The following AGTPBP1 variants were observed in gnomAD, a reference collection of about 807,000 sequenced individuals.
AGTPBP1 encodes the protein ATP/GTP binding carboxypeptidase 1.
In AGTPBP1, 70 loss-of-function variants were observed where a neutral mutation model predicts 143.9. The observed-to-expected ratio is 0.49, with a 90% CI of 0.40 to 0.59. AGTPBP1 has a LOEUF of 0.59. AGTPBP1 is among the 20% of genes least tolerant of loss of function. The pLI is 0.00. For missense variants in AGTPBP1, 1,229 were observed against 1,464.5 expected (o/e 0.84, Z 2.62); for synonymous variants, 463 against 500.2 (o/e 0.93, Z 0.99).
the AGTPBP1 span, among the ~76,000 whole-genome samples, chr9:85,798,376 T>TC: frequency 6.6e-6 from 1 of 150,784 alleles, no homozygotes. Context: ...TTTTTTTTTT[T>TC]TCTTTTTTGA....
At chr9:85,759,881 TAAA>T in the AGTPBP1 span, among the ~76,000 whole-genome samples, 2 of 151,402 alleles carry the variant, frequency 1.3e-5, no homozygotes, top group African/African-American at 2.4e-5. Context: ...GCAAGACTAA[TAAA>T]GAAGAAAAGA....
At chr9:85,598,639 G>C (rs1248517024) in intron 17 of AGTPBP1, among the ~76,000 whole-genome samples, 1 of 152,194 alleles carries the variant, frequency 6.6e-6, no homozygotes, top group South Asian at 2.1e-4. Flanking sequence ...TTCAAGGATT[G>C]CAACTTGTAA....
intron 25 of AGTPBP1, among the ~76,000 whole-genome samples, chr9:85,567,111 C>T (rs998665045): frequency 7.9e-5 from 12 of 152,094 alleles, no homozygotes; most frequent in African/African-American, 2.7e-4. Context: ...TAAGAGGTTA[C>T]GGGGAGAGGC....
intron 25 of AGTPBP1, among the ~76,000 whole-genome samples, chr9:85,558,733 C>T (rs751414397): frequency 4.6e-5 from 7 of 152,148 alleles, no homozygotes; most frequent in Non-Finnish European, 8.8e-5. Flanking sequence ...ATCCTCTCAC[C>T]TCAGCCTCCC....
intron 17 of AGTPBP1, among the ~76,000 whole-genome samples, chr9:85,612,007 C>T (rs191456580): frequency 6.6e-6 from 1 of 152,100 alleles, no homozygotes; most frequent in East Asian, 1.9e-4. Flanking sequence ...AAATCTCTCT[C>T]TATATATATT....
chr9:85,762,929 CTG>C, the AGTPBP1 span, among the ~76,000 whole-genome samples: 2 of 150,740 alleles, frequency 1.3e-5, no homozygotes, highest in Non-Finnish European at 3.0e-5. Flanking sequence ...AAACATATCA[CTG>C]TGAAGGTTTG....
At chr9:85,626,152 T>TGCACTGA (rs1204026540) in intron 14 of AGTPBP1, among the ~76,000 whole-genome samples, 1 of 152,148 alleles carries the variant, frequency 6.6e-6, no homozygotes, top group Non-Finnish European at 1.5e-5. Flanking sequence ...ATCAGTGTGT[T>TGCACTGA]TGCAATACAA....
chr9:85,782,540 T>A, the AGTPBP1 span, among the ~76,000 whole-genome samples: 1 of 152,114 alleles, frequency 6.6e-6, no homozygotes, highest in Non-Finnish European at 1.5e-5. Flanking sequence ...AAGTTATATT[T>A]GTGACATTTA....
At chr9:85,694,138 T>C (rs1422050291) in intron 2 of AGTPBP1, among the ~76,000 whole-genome samples, 1 of 152,146 alleles carries the variant, frequency 6.6e-6, no homozygotes, top group Non-Finnish European at 1.5e-5. Flanking sequence ...ATGAGTGAGA[T>C]GGGAAATTTT....
chr9:85,639,349 ACC>A (rs1254497545), intron 13 of AGTPBP1, among the ~76,000 whole-genome samples: 19 of 142,308 alleles, frequency 1.3e-4, no homozygotes, highest in East Asian at 4.4e-4. Flanking sequence ...ACATACACAC[ACC>A]CATGCGCGCG....
At chr9:85,653,181 G>A (rs1177916650) in intron 11 of AGTPBP1, among the ~76,000 whole-genome samples, 1 of 149,028 alleles carries the variant, frequency 6.7e-6, no homozygotes, top group Non-Finnish European at 1.5e-5. Flanking sequence ...AGGTGGGGGG[G>A]ATCTCTTGAA....
intron 3 of AGTPBP1, among the ~76,000 whole-genome samples, chr9:85,692,244 T>C (rs866322145): frequency 1.1e-4 from 16 of 152,000 alleles, no homozygotes; most frequent in African/African-American, 3.9e-4. Flanking sequence ...TATTCAGTTT[T>C]CCACTCGAGT....
In AGTPBP1 at chr9:85,697,454, T is replaced by TG. The variant is rs1564156566; in HGVS notation, c.33-4642_33-4641insC. On this transcript the variant is annotated intron_variant, in intron 2 of 25. Coordinates refer to ENST00000357081, the MANE Select transcript of AGTPBP1 (RefSeq NM_001330701.2). ...TCTTAATTTGTTTTTTGTTTTTTTT[T>TG]TTTTTTTTTTTTTTTTGAGGCAGAG... 6.2e-5 allele frequency among the ~76,000 whole-genome samples: 8 copies of TG among 129,014 alleles called. No individual in the cohort carries two copies. The East Asian group carries it at 6.5e-4, about 11-fold the overall frequency. The allele number at this position is 129,014 out of a possible 152,430, so 84.6% of individuals were successfully genotyped here.
chr9:85,752,114 A>G, the AGTPBP1 span, among the ~76,000 whole-genome samples: 5 of 152,024 alleles, frequency 3.3e-5, no homozygotes, highest in African/African-American at 7.2e-5. Context: ...GCATACGCCT[A>G]TAATACCAGC....
chr9:85,611,310 A>C (rs933591475), intron 17 of AGTPBP1, among the ~76,000 whole-genome samples: 5 of 151,700 alleles, frequency 3.3e-5, no homozygotes, highest in African/African-American at 1.2e-4. Flanking sequence ...AACAGGTTAA[A>C]CTCCTCTATT....
the AGTPBP1 span, among the ~76,000 whole-genome samples, chr9:85,803,028 T>A: frequency 6.6e-6 from 1 of 152,340 alleles, no homozygotes; most frequent in East Asian, 1.9e-4. Flanking sequence ...ATTAGCAGTC[T>A]GCCAAAATGA....
chr9:85,765,414 C>T, the AGTPBP1 span, among the ~76,000 whole-genome samples: 1 of 152,052 alleles, frequency 6.6e-6, no homozygotes, highest in African/African-American at 2.4e-5. Context: ...CAAATAGATG[C>T]ACAAAATTCC....
At position 85,642,822 on chromosome 9, in the gene AGTPBP1, TA is replaced by T; in HGVS notation, c.1302+4del. The T allele has an allele frequency of 6.3e-7, 1 of 1,593,856 alleles. No individual in the cohort carries two copies. The highest frequency in any genetic ancestry group is 1.1e-5 in the South Asian group (1 of 87,806). Reference sequence around the variant, plus strand: ...GTTAAGATGCTGAATTTTCTATATTTATACCTGAAAATCATCAACAAGCTCA... The same window carrying T: ...GTTAAGATGCTGAATTTTCTATATTTTACCTGAAAATCATCAACAAGCTCA... On this transcript the variant is annotated splice_donor_region_variant and intron_variant, in intron 13 of 25. Coordinates refer to ENST00000357081, the MANE Select transcript of AGTPBP1 (RefSeq NM_001330701.2).
At chr9:85,631,719 C>T (rs940825009) in intron 14 of AGTPBP1, among the ~76,000 whole-genome samples, 1 of 152,134 alleles carries the variant, frequency 6.6e-6, no homozygotes, top group Non-Finnish European at 1.5e-5. Flanking sequence ...GAATCAAATA[C>T]AGCAAGTTCT....
Sources: gnomAD v4.1 joint callset for allele counts (sites outside exome capture counted in the v4.1 genomes callset) on GRCh38, gnomAD v4.1.1 for gene constraint, MANE v1.5 for transcripts, NCBI Gene and HGNC (gene_info 2026-07-23, HGNC 2026-07-21) for gene names.